The following PPP1R16B variants were observed in gnomAD, a reference collection of about 807,000 sequenced individuals.
PPP1R16B encodes protein phosphatase 1 regulatory inhibitor subunit 16B.
PPP1R16B carries 14 observed loss-of-function variants against 61.7 expected under a neutral mutation model. That is an observed-to-expected ratio of 0.23 (90% CI 0.15 to 0.35). PPP1R16B has a LOEUF of 0.35. Among genes scored for constraint, PPP1R16B ranks in the 10% least tolerant of loss-of-function variants. The pLI is 1.00. For missense variants in PPP1R16B, 547 were observed against 752.5 expected (o/e 0.73, Z 3.19); for synonymous variants, 266 against 305.3 (o/e 0.87, Z 1.34).
chr20:38,876,233 A>G (rs2085165602), intron 2 of PPP1R16B, among the ~76,000 whole-genome samples: 1 of 152,110 alleles, frequency 6.6e-6, no homozygotes, highest in Non-Finnish European at 1.5e-5. Flanking sequence ...TTGGCCTCCC[A>G]AAGTGCTTGG....
At chr20:38,897,054 G>A (rs1188554831) in intron 4 of PPP1R16B, among the ~76,000 whole-genome samples, 1 of 152,230 alleles carries the variant, frequency 6.6e-6, no homozygotes, top group Non-Finnish European at 1.5e-5. Flanking sequence ...GCTGAGGCAG[G>A]AGAATCGCTT....
At chr20:38,864,513 G>A (rs896531745) in intron 2 of PPP1R16B, among the ~76,000 whole-genome samples, 1 of 152,096 alleles carries the variant, frequency 6.6e-6, no homozygotes, top group Non-Finnish European at 1.5e-5. Flanking sequence ...TTGCAGTTGT[G>A]GAAACAGAAG....
chr20:38,874,463 G>T (rs2085151939), intron 2 of PPP1R16B, among the ~76,000 whole-genome samples: 1 of 152,118 alleles, frequency 6.6e-6, no homozygotes, highest in African/African-American at 2.4e-5. Flanking sequence ...CTCAGATAGA[G>T]GAGATGACAC....
At chr20:38,879,110 A>G (rs2145751291) in intron 2 of PPP1R16B, among the ~76,000 whole-genome samples, 1 of 152,242 alleles carries the variant, frequency 6.6e-6, no homozygotes, top group African/African-American at 2.4e-5. Context: ...AGAATTCTGG[A>G]GGTAGAATCA....
In PPP1R16B at chr20:38,821,888, CTGTT is replaced by C. The variant is rs770010719; in HGVS notation, c.-101-13927_-101-13924del. On this transcript the variant is annotated intron_variant, in intron 1 of 10. Coordinates refer to ENST00000299824, the MANE Select transcript of PPP1R16B (RefSeq NM_015568.4). ...TCTCTTGAGTTTGAGTCACATTTTC[CTGTT>C]TGTTTGTTTTTAATTTGCCTAGTAA... is the stretch of plus-strand genomic sequence containing the variant. Among the ~76,000 whole-genome samples, 7 of 151,434 alleles carry C rather than the reference CTGTT, an allele frequency of 4.6e-5. No individual in the cohort carries two copies. The East Asian group carries it at 5.8e-4, about 13-fold the overall frequency.
intron 1 of PPP1R16B, among the ~76,000 whole-genome samples, chr20:38,823,850 G>C (rs915036744): frequency 6.6e-6 from 1 of 152,242 alleles, no homozygotes; most frequent in Non-Finnish European, 1.5e-5. Flanking sequence ...ACTCTGCATA[G>C]ATTTCATTTA....
intron 2 of PPP1R16B, among the ~76,000 whole-genome samples, chr20:38,881,209 C>T (rs1392368931): frequency 6.6e-6 from 1 of 152,184 alleles, no homozygotes; most frequent in East Asian, 1.9e-4. Context: ...TGAGTCTCCA[C>T]CCTCAGCTCC....
intron 2 of PPP1R16B, among the ~76,000 whole-genome samples, chr20:38,887,943 C>T (rs905930566): frequency 1.3e-5 from 2 of 152,212 alleles, no homozygotes; most frequent in Admixed American, 1.3e-4. Context: ...ACCCCCACCC[C>T]ATCCACTGCT....
chr20:38,813,906 C>T (rs2084718523), intron 1 of PPP1R16B, among the ~76,000 whole-genome samples: 2 of 151,894 alleles, frequency 1.3e-5, no homozygotes, highest in South Asian at 4.2e-4. Flanking sequence ...AAGTGATTCT[C>T]CTGCCTCAGC....
At chr20:38,871,271 T>C (rs2085127303) in intron 2 of PPP1R16B, among the ~76,000 whole-genome samples, 2 of 152,076 alleles carry the variant, frequency 1.3e-5, no homozygotes, top group Admixed American at 6.5e-5. Flanking sequence ...CCCAGCCCCA[T>C]GTTACATAAG....
intron 1 of PPP1R16B, among the ~76,000 whole-genome samples, chr20:38,825,248 T>C (rs898419111): frequency 6.6e-6 from 1 of 152,198 alleles, no homozygotes; most frequent in Non-Finnish European, 1.5e-5. Context: ...TCCTTTTCCA[T>C]TCCTGAATGG....
chr20:38,890,460 C>G (rs1361279884), intron 3 of PPP1R16B, among the ~76,000 whole-genome samples: 1 of 152,238 alleles, frequency 6.6e-6, no homozygotes, highest in African/African-American at 2.4e-5. Context: ...TCCTCCCCAC[C>G]ACACTTCCCA....
intron 1 of PPP1R16B, among the ~76,000 whole-genome samples, chr20:38,814,443 T>C (rs2084722380): frequency 6.6e-6 from 1 of 152,120 alleles, no homozygotes; most frequent in Non-Finnish European, 1.5e-5. Flanking sequence ...AAGTTACATG[T>C]GTGTATTTGC....
intron 2 of PPP1R16B, among the ~76,000 whole-genome samples, chr20:38,867,718 G>T (rs571083940): frequency 3.9e-5 from 6 of 151,954 alleles, no homozygotes; most frequent in African/African-American, 1.2e-4. Context: ...TGTTGCCCAG[G>T]CTGGAGTGCC....
At chr20:38,862,199 A>G (rs1229806237) in intron 2 of PPP1R16B, among the ~76,000 whole-genome samples, 4 of 152,258 alleles carry the variant, frequency 2.6e-5, no homozygotes, top group African/African-American at 7.2e-5. Flanking sequence ...AGGAGGGGAC[A>G]GTTAATGCCA....
At chr20:38,880,849 T>C (rs1360485697) in intron 2 of PPP1R16B, among the ~76,000 whole-genome samples, 1 of 152,200 alleles carries the variant, frequency 6.6e-6, no homozygotes, top group Non-Finnish European at 1.5e-5. Context: ...AATTGCTGGG[T>C]CAGATGGTAA....
chr20:38,897,295 C>G (rs936139366), intron 4 of PPP1R16B, among the ~76,000 whole-genome samples: 1 of 152,168 alleles, frequency 6.6e-6, no homozygotes, highest in Admixed American at 6.5e-5. Context: ...CCACTGCAAT[C>G]CACCCTGGGC....
chr20:38,859,635 G>A (rs930452897), intron 2 of PPP1R16B, among the ~76,000 whole-genome samples: 1 of 152,108 alleles, frequency 6.6e-6, no homozygotes, highest in African/African-American at 2.4e-5. Context: ...AGGACTACAG[G>A]CACATGCCAC....
intron 4 of PPP1R16B, 114 bp from the exon 5 acceptor site, chr20:38,900,467 G>A (rs2145772794): frequency 1.4e-6 from 1 of 737,016 alleles, no homozygotes; most frequent in Non-Finnish European, 2.2e-6. Flanking sequence ...CCTTGGTGGG[G>A]TTTTGAGTGC....
Sources: allele counts gnomAD v4.1 joint callset (sites outside exome capture counted in the v4.1 genomes callset), GRCh38; gene constraint gnomAD v4.1.1; transcripts MANE v1.5; gene names NCBI Gene and HGNC (gene_info 2026-07-23, HGNC 2026-07-21).